Variants in ANKRD6 observed in about 807,000 individuals in gnomAD.
ANKRD6 encodes ankyrin repeat domain-containing protein 6.
In ANKRD6, 56 loss-of-function variants were observed where a neutral mutation model predicts 82.3. That is an observed-to-expected ratio of 0.68 (90% CI 0.55 to 0.85). ANKRD6 has a LOEUF of 0.85. ANKRD6 is among the 40% of genes least tolerant of loss of function. ANKRD6 has a pLI of 0.00. For missense variants in ANKRD6, 852 were observed against 907.6 expected (o/e 0.94, Z 0.79); for synonymous variants, 347 against 352.1 (o/e 0.99, Z 0.16).
intron 1 of ANKRD6, among the ~76,000 whole-genome samples, chr6:89,522,571 G>C (rs1435520567): frequency 2.0e-5 from 3 of 152,164 alleles, no homozygotes; most frequent in Admixed American, 1.3e-4. Context: ...TGGGAATTAT[G>C]TGCCAGCCCT....
chr6:89,630,480 A>G lies in ANKRD6; in HGVS notation c.1660A>G (p.Ser554Gly), dbSNP rs1807149169. The part of the protein sequence containing the change: ...VTAGPAAASD[S>G]SPPVVRPKEK... ...TGCAGGTCCAGCAGCAGCTTCCGAC[A>G]GCTCCCCTCCAGTGGTTAGGCCCAA... The change falls in exon 16 of 16, where the codon AGC (serine) becomes GGC (glycine). Residue 554 changes from serine (S) to glycine (G), a missense_variant. Coordinates refer to ENST00000339746, the MANE Select transcript of ANKRD6 (RefSeq NM_001242809.2). 19 of 1,613,966 alleles carry G rather than the reference A, an allele frequency of 1.2e-5. No individual in the cohort carries two copies. Among genetic ancestry groups the G allele is most frequent in the Middle Eastern group, 1.6e-4 (1 of 6,062 alleles).
At chr6:89,468,705 A>G (rs1340761282) in intron 1 of ANKRD6, among the ~76,000 whole-genome samples, 4 of 151,752 alleles carry the variant, frequency 2.6e-5, no homozygotes, top group Admixed American at 1.3e-4. Context: ...ACACCTGCGG[A>G]TAGCCCTTTT....
chr6:89,505,037 AT>A (rs1779687234), intron 1 of ANKRD6: 1 of 152,134 alleles, frequency 6.6e-6, no homozygotes, highest in Non-Finnish European at 1.5e-5. Context: ...CATTATGTCA[AT>A]TTCAGATTAG....
rs139946765 is a variant in ANKRD6 at position 89,547,280 on chromosome 6, A to G, written c.-143-19554A>G. 5.8e-3 allele frequency among the ~76,000 whole-genome samples: 886 copies of G among 152,290 alleles called. 10 individuals carry two copies. The highest frequency in any genetic ancestry group is 0.019 in the African/African-American group (806 of 41,548). On this transcript the variant is annotated intron_variant, in intron 1 of 15. Coordinates refer to ENST00000339746, the MANE Select transcript of ANKRD6 (RefSeq NM_001242809.2). ...GGTTAATCTGGCAAGGGTTGGTCTT[A>G]GAGGTGGGAAACCACTGTTGGCAGC... is the stretch of plus-strand genomic sequence containing the variant.
chr6:89,536,002 G>A (rs1783778074), intron 1 of ANKRD6, among the ~76,000 whole-genome samples: 1 of 152,232 alleles, frequency 6.6e-6, no homozygotes, highest in Admixed American at 6.5e-5. Flanking sequence ...GGCCAAGGCA[G>A]GTGGATTGCT....
Position 89,473,794 on chromosome 6 carries a change from C to T in ANKRD6, c.-144+40419C>T, listed in dbSNP as rs143282604. Among the ~76,000 whole-genome samples the T allele has an allele frequency of 4.0e-3, 607 of 151,704 alleles. 4 individuals are homozygous for T. Among genetic ancestry groups the T allele is most frequent in the African/African-American group, 0.014 (577 of 41,324 alleles). On this transcript the variant is annotated intron_variant, in intron 1 of 15. Coordinates refer to ENST00000339746, the MANE Select transcript of ANKRD6 (RefSeq NM_001242809.2). ...AGGAGTTCGAGACCAGCCTGGTCAA[C>T]ATGGTGAAACCTCATCTCTACTTAA...
intron 1 of ANKRD6, among the ~76,000 whole-genome samples, chr6:89,549,339 T>A (rs9451241): frequency 3.3e-5 from 5 of 150,590 alleles, no homozygotes; most frequent in Non-Finnish European, 5.9e-5. Flanking sequence ...TGTTATTGCA[T>A]GAGTGAGTTC....
intron 1 of ANKRD6, among the ~76,000 whole-genome samples, chr6:89,484,987 G>A (rs1487046417): frequency 6.6e-6 from 1 of 152,128 alleles, no homozygotes; most frequent in Non-Finnish European, 1.5e-5. Context: ...CAACTCAGGG[G>A]CCCTTGGAAA....
chr6:89,598,775 A>G (rs1796439343), intron 3 of ANKRD6, among the ~76,000 whole-genome samples: 1 of 152,212 alleles, frequency 6.6e-6, no homozygotes, highest in African/African-American at 2.4e-5. Context: ...TCAGGTTTCC[A>G]GCTACAGCAT....
chr6:89,623,734 T>C, intron 11 of ANKRD6, 138 bp from the exon 12 acceptor site: 1 of 1,254,148 alleles, frequency 8.0e-7, no homozygotes. Context: ...TTTTGACATG[T>C]GTGGCTTGGA....
At chr6:89,610,463 G>A (rs1563054309) in intron 5 of ANKRD6, among the ~76,000 whole-genome samples, 1 of 152,102 alleles carries the variant, frequency 6.6e-6, no homozygotes, top group African/African-American at 2.4e-5. Context: ...GTATTCCATT[G>A]TGTGGATCTA....
intron 1 of ANKRD6, among the ~76,000 whole-genome samples, chr6:89,524,745 A>G (rs1269464563): frequency 6.6e-6 from 1 of 152,206 alleles, no homozygotes; most frequent in Non-Finnish European, 1.5e-5. Flanking sequence ...GTAGATACCC[A>G]GTAATGGGAT....
intron 1 of ANKRD6, 98 bp from the exon 2 acceptor site, chr6:89,566,736 A>G (rs1034383530): frequency 8.9e-6 from 4 of 448,918 alleles, no homozygotes; most frequent in Non-Finnish European, 1.6e-5. Context: ...CCCCTGCAAC[A>G]TGCAAGCAGC....
intron 6 of ANKRD6, 128 bp downstream of exon 6, chr6:89,612,498 A>T (rs1800481850): frequency 2.0e-6 from 2 of 986,696 alleles, no homozygotes; most frequent in Admixed American, 3.1e-5. Flanking sequence ...GACTATCTCT[A>T]AAGTGTTCTT....
rs1770177349 is a variant in ANKRD6 at position 89,433,269 on chromosome 6, G to A, written c.-250G>A. The stretch of plus-strand genomic sequence containing the variant: ...CGGCGCTGGGCGGCGCCGAGGCCCT[G>A]GGGCCGCCGGAGCCAGCGGGAGCCA... On this transcript the variant is annotated 5_prime_UTR_variant, in exon 1 of 16. Transcript: ENST00000339746. This position sits in a 1 kb window ranked among gnomAD's most constrained non-coding sequence, Gnocchi z 4.3. The A allele has an allele frequency of 6.6e-6, 1 of 151,946 alleles. No individual in the cohort carries two copies. The highest frequency in any genetic ancestry group is 6.6e-5 in the Admixed American group (1 of 15,240). The allele number at this position is 151,946 out of a possible 1,614,324, so 9.4% of individuals were successfully genotyped here.
intron 8 of ANKRD6, chr6:89,617,095 C>T (rs566229143): frequency 1.6e-5 from 6 of 380,740 alleles, no homozygotes; most frequent in East Asian, 7.3e-5. Context: ...CCCTCTCCCC[C>T]TCTCACTGTG....
rs924187591 is a variant in ANKRD6, at chr6:89,566,592, C to T, written c.-143-242C>T. On this transcript the variant is annotated intron_variant, in intron 1 of 15. Transcript: ENST00000339746. Reference sequence around the variant, plus strand: ...AAACCTTGCAGTTCTGGCCATACTCCTCCGGAGGATGTCCCTGATAGGGGA... The same window carrying T: ...AAACCTTGCAGTTCTGGCCATACTCTTCCGGAGGATGTCCCTGATAGGGGA... Among the ~76,000 whole-genome samples, 14 of 152,376 alleles carry T rather than the reference C, an allele frequency of 9.2e-5. No homozygotes were observed. In the South Asian group the frequency reaches 2.7e-3, roughly 29 times the overall value.
chr6:89,624,729 T>A, intron 13 of ANKRD6, 38 bp downstream of exon 13: 1 of 1,587,272 alleles, frequency 6.3e-7, no homozygotes, highest in Non-Finnish European at 8.6e-7. Flanking sequence ...TGCAAGGTGT[T>A]CTGGCAGAAC....
chr6:89,539,722 T>C (rs1193505498), intron 1 of ANKRD6, among the ~76,000 whole-genome samples: 2 of 151,728 alleles, frequency 1.3e-5, no homozygotes, highest in Non-Finnish European at 2.9e-5. Flanking sequence ...TGCTGTGCTA[T>C]CAAATAGTAG....
Sources: gnomAD v4.1 joint callset for allele counts (sites outside exome capture counted in the v4.1 genomes callset) on GRCh38, gnomAD v4.1.1 for gene constraint, Gnocchi (gnomAD v3.1) non-coding constraint, MANE v1.5 for transcripts, NCBI Gene and HGNC (gene_info 2026-07-23, HGNC 2026-07-21) for gene names.